Variants in FCGR2A observed in about 807,000 individuals in gnomAD.
FCGR2A encodes the protein Fc gamma receptor IIa.
In FCGR2A, 18 loss-of-function variants were observed where a neutral mutation model predicts 29.3. That is an observed-to-expected ratio of 0.62 (90% CI 0.43 to 0.91). The LOEUF (loss-of-function observed/expected upper bound fraction) is 0.91, where lower values mean the gene tolerates loss of function less well. Among genes scored for constraint, FCGR2A ranks in the 40% least tolerant of loss-of-function variants. The pLI is 0.00. For synonymous variants in FCGR2A, 126 were observed against 144.8 expected, an observed-to-expected ratio of 0.87 and a Z score of 0.93; for missense variants, 287 against 393.0, an observed-to-expected ratio of 0.73 and a Z score of 2.28.
intron 6 of FCGR2A, chr1:161,514,767 G>C (rs551637217): frequency 1.3e-5 from 2 of 151,612 alleles, no homozygotes; most frequent in East Asian, 4.0e-4. Flanking sequence ...CTAGTTTCCA[G>C]ACAAGGTCTG....
chr1:161,510,307 G>A, intron 4 of FCGR2A: 1 of 758,444 alleles, frequency 1.3e-6, no homozygotes, highest in Non-Finnish European at 2.2e-6. Flanking sequence ...ACTTTGAAAT[G>A]TAGGCCCCAG....
At chr1:161,521,938 C>T (rs1238225547), downstream of FCGR2A, among the ~76,000 whole-genome samples, 2 of 152,044 alleles carry the variant, frequency 1.3e-5, no homozygotes, top group Admixed American at 6.6e-5. Context: ...GAGCTTTGCA[C>T]CACATTAGAA....
At chr1:161,511,009 C>A (rs1352070512) in intron 5 of FCGR2A, 53 bp downstream of exon 5, 3 of 1,613,380 alleles carry the variant, frequency 1.9e-6, no homozygotes, top group Admixed American at 3.3e-5. Context: ...TGGCCCAGGG[C>A]CTAACCCCAG....
rs1177292985 is a variant in FCGR2A at position 161,518,136 on chromosome 1, C to T, written c.942C>T (p.Asn314=). Residue 314 remains asparagine (N), a synonymous_variant, in exon 7 of 7, where the codon AAC becomes AAT. Coordinates refer to ENST00000271450, the MANE Select transcript of FCGR2A (RefSeq NM_001136219.3). The part of the protein sequence containing the change: ...YLTLPPNDHV[N]SNN ...CTCTTCCTCCCAACGACCATGTCAACAGTAATAACTAAAGAGTAACGTTAT... is the reference window on the plus strand; with the variant it reads ...CTCTTCCTCCCAACGACCATGTCAATAGTAATAACTAAAGAGTAACGTTAT... 2 of 1,613,678 alleles carry T rather than the reference C, an allele frequency of 1.2e-6. No homozygotes were observed. Among genetic ancestry groups the T allele is most frequent in the South Asian group, 2.2e-5 (2 of 91,020 alleles).
At chr1:161,513,826 T>G in intron 5 of FCGR2A, 69 bp from the exon 6 acceptor site, 20 of 1,612,428 alleles carry the variant, frequency 1.2e-5, no homozygotes, top group Non-Finnish European at 1.4e-5. Context: ...TTTTGCAGCC[T>G]CAGCATCAGC....
Position 161,518,858 on chromosome 1 carries a change from A to G in FCGR2A, c.*710A>G, listed in dbSNP as rs1390529816. ...GGCCGATCTCGAACTTCTGGCCTCT[A>G]GCGATCTGCCCGCCTCGGCCTCCCA... On this transcript the variant is annotated 3_prime_UTR_variant, in exon 7 of 7. Coordinates refer to ENST00000271450, the MANE Select transcript of FCGR2A (RefSeq NM_001136219.3). The G allele has an allele frequency of 5.7e-6, 1 of 176,020 alleles. No homozygotes were observed. Among genetic ancestry groups the G allele is most frequent in the Non-Finnish European group, 1.2e-5 (1 of 81,208 alleles). The allele number at this position is 176,020 out of a possible 1,614,324, so 10.9% of individuals were successfully genotyped here. A position where few individuals can be genotyped will look rare whatever the true frequency, so the allele number is the denominator to read the frequency against.
chr1:161,513,910 C>T lies in FCGR2A; in HGVS notation c.758C>T (p.Pro253Leu), dbSNP rs149146966. ...TTCCCCACAGCCAATTCCACTGATCCTGTGAAGGCTGCCCAATTTGAGGTG... is the reference window on the plus strand; with the variant it reads ...TTCCCCACAGCCAATTCCACTGATCTTGTGAAGGCTGCCCAATTTGAGGTG... ...KKRISANSTD[P>L]VKAAQFEPPG... The change falls in exon 6 of 7, where the codon CCT (proline) becomes CTT (leucine). Residue 253 changes from proline (P) to leucine (L), a missense_variant. Physicochemically the swap from Pro to Leu is moderately conservative, Grantham distance 98 (BLOSUM62 -3). This residue lies in a region of FCGR2A where 72 missense variants were observed against 68.6 expected (regional missense o/e 1.05). Coordinates refer to ENST00000271450, the MANE Select transcript of FCGR2A (RefSeq NM_001136219.3). 2.5e-6 allele frequency: 4 copies of T among 1,614,140 alleles called. No homozygotes were observed. In the African/African-American group the frequency reaches 4.0e-5, roughly 16 times the overall value.
chr1:161,514,756 A>C (rs1289840950), intron 6 of FCGR2A: 1 of 151,546 alleles, frequency 6.6e-6, no homozygotes, highest in Non-Finnish European at 1.5e-5. Context: ...AGTATAGTGT[A>C]CTAGTTTCCA....
intron 6 of FCGR2A, among the ~76,000 whole-genome samples, chr1:161,517,703 T>A (rs1676229277): frequency 6.6e-6 from 1 of 152,158 alleles, no homozygotes; most frequent in South Asian, 2.1e-4. Context: ...TCCACTTTGA[T>A]TTTTAGTCTG....
chr1:161,505,966 C>T, intron 1 of FCGR2A, 21 bp from the exon 2 acceptor site: 1 of 1,613,766 alleles, frequency 6.2e-7, no homozygotes, highest in South Asian at 1.1e-5. Context: ...CGACGTTGAT[C>T]CACTCTCTTC....
chr1:161,524,012 G>A (rs1676576676), downstream of FCGR2A: 1 of 155,188 alleles, frequency 6.4e-6, no homozygotes. Context: ...TCGCGGTTTG[G>A]AAAATATTTT....
chr1:161,509,499 G>A (rs1675624517), intron 3 of FCGR2A, among the ~76,000 whole-genome samples: 1 of 152,102 alleles, frequency 6.6e-6, no homozygotes, highest in South Asian at 2.1e-4. Context: ...AAAAACTGAC[G>A]GCTTCAGGCC....
chr1:161,522,615 C>T (rs565351577), downstream of FCGR2A, among the ~76,000 whole-genome samples: 100 of 152,238 alleles, frequency 6.6e-4, no homozygotes, highest in South Asian at 8.3e-4. Flanking sequence ...CTCTGGCATC[C>T]AGGTGTGACC....
intron 6 of FCGR2A, among the ~76,000 whole-genome samples, chr1:161,515,390 C>G (rs1463064778): frequency 6.6e-6 from 1 of 152,124 alleles, no homozygotes; most frequent in Admixed American, 6.6e-5. Context: ...CACACATGAA[C>G]TATTATAAAA....
Position 161,505,725 on chromosome 1 carries a change from G to A in FCGR2A, c.85+173G>A, listed in dbSNP as rs1347995557. ...CAATGGTTCCTAAGGTCAGAACTCAGAGGTAGTTTCATAGTCCCTGGAAAG... is the reference window on the plus strand; with the variant it reads ...CAATGGTTCCTAAGGTCAGAACTCAAAGGTAGTTTCATAGTCCCTGGAAAG... On this transcript the variant is annotated intron_variant, in intron 1 of 6. Transcript: ENST00000271450. 4.2e-5 allele frequency: 30 copies of A among 717,230 alleles called. No homozygotes were observed. In the East Asian group the frequency reaches 7.4e-4, roughly 18 times the overall value. The allele number at this position is 717,230 out of a possible 1,614,324, so 44.4% of individuals were successfully genotyped here.
At chr1:161,516,541 G>A (rs4657048) in intron 6 of FCGR2A, among the ~76,000 whole-genome samples, 7 of 151,862 alleles carry the variant, frequency 4.6e-5, no homozygotes, top group Admixed American at 1.3e-4. Flanking sequence ...TATCACCAAA[G>A]CTGTGGCTAA....
At position 161,510,844 on chromosome 1, in the gene FCGR2A, G is replaced by A. The variant is rs201599672; in HGVS notation, c.630G>A (p.Met210Ile). The A allele has an allele frequency of 3.7e-6, 6 of 1,614,038 alleles. No homozygotes were observed. Among genetic ancestry groups the A allele is most frequent in the Non-Finnish European group, 4.2e-6 (5 of 1,180,010 alleles). ...GTCTGTCTTCCCTAGTGCCCAGCATGGGCAGCTCTTCACCAATGGGGATCA... is the reference window on the plus strand; with the variant it reads ...GTCTGTCTTCCCTAGTGCCCAGCATAGGCAGCTCTTCACCAATGGGGATCA... ...PVTITVQVPS[M>I]GSSSPMGIIV... Residue 210 changes from methionine (M) to isoleucine (I), a missense_variant, in exon 5 of 7, where the codon ATG becomes ATA. By Grantham distance (10) the Met-to-Ile change is conservative (BLOSUM62 1). Coordinates refer to ENST00000271450, the MANE Select transcript of FCGR2A (RefSeq NM_001136219.3).
At position 161,519,493 on chromosome 1, in the gene FCGR2A, TG is replaced by T. The variant is rs1676358603; in HGVS notation, c.*1346del. On this transcript the variant is annotated 3_prime_UTR_variant, in exon 7 of 7. Coordinates refer to ENST00000271450, the MANE Select transcript of FCGR2A (RefSeq NM_001136219.3). Reference sequence around the variant, plus strand: ...ATTAAAAGTGATTGTTTCAAGGTGATGCAATTATTGATGACCTATTTTATTT... The same window carrying T: ...ATTAAAAGTGATTGTTTCAAGGTGATCAATTATTGATGACCTATTTTATTT... The T allele has an allele frequency of 6.6e-6, 1 of 152,300 alleles. No individual in the cohort carries two copies. Among genetic ancestry groups the T allele is most frequent in the South Asian group, 2.1e-4 (1 of 4,824 alleles). The allele number at this position is 152,300 out of a possible 1,614,324, so 9.4% of individuals were successfully genotyped here.
Position 161,510,855 on chromosome 1 carries a change from C to T in FCGR2A, c.641C>T (p.Ser214Leu), listed in dbSNP as rs774749223. The stretch of plus-strand genomic sequence containing the variant: ...CTAGTGCCCAGCATGGGCAGCTCTT[C>T]ACCAATGGGGATCATTGTGGCTGTG... ...TVQVPSMGSS[S>L]PMGIIVAVVI... The change falls in exon 5 of 7, where the codon TCA (serine) becomes TTA (leucine). Residue 214 changes from serine (S) to leucine (L), a missense_variant. Around this residue, in one of 3 missense-constraint regions of FCGR2A, gnomAD observed 72 missense variants for 68.6 expected, o/e 1.05. Transcript: ENST00000271450. 1.9e-6 allele frequency: 3 copies of T among 1,614,076 alleles called. No individual in the cohort carries two copies. The highest frequency in any genetic ancestry group is 2.5e-6 in the Non-Finnish European group (3 of 1,180,024).
Sources: gnomAD v4.1 joint callset for allele counts (sites outside exome capture counted in the v4.1 genomes callset) on GRCh38, gnomAD v4.1.1 for gene constraint, gnomAD v4.1.1 regional missense constraint, MANE v1.5 for transcripts, NCBI Gene and HGNC (gene_info 2026-07-23, HGNC 2026-07-21) for gene names.